The following CDK14 variants were observed in gnomAD, a reference collection of about 807,000 sequenced individuals.
The protein encoded by CDK14 is cyclin-dependent kinase 14.
CDK14 carries 34 observed loss-of-function variants against 60.7 expected under a neutral mutation model. The observed-to-expected ratio is 0.56, with a 90% CI of 0.43 to 0.75. CDK14 has a LOEUF of 0.75. CDK14 is among the 30% of genes least tolerant of loss of function. CDK14 has a pLI of 0.00. For synonymous variants in CDK14, 197 were observed against 203.7 expected (o/e 0.97, Z 0.28); for missense variants, 482 against 564.1 (o/e 0.85, Z 1.47).
At chr7:90,879,227 T>C (rs535712860) in intron 6 of CDK14, among the ~76,000 whole-genome samples, 77 of 152,340 alleles carry the variant, frequency 5.1e-4, no homozygotes, top group African/African-American at 1.7e-3. Flanking sequence ...CTCACATGCA[T>C]GTTATATATA....
intron 14 of CDK14, among the ~76,000 whole-genome samples, chr7:91,180,196 A>G (rs1482377025): frequency 6.6e-6 from 1 of 152,240 alleles, no homozygotes; most frequent in Non-Finnish European, 1.5e-5. Context: ...CACCTTGAGT[A>G]AGCATGATCA....
At position 90,869,665 on chromosome 7, in the gene CDK14, A is replaced by C. The variant is rs544597632; in HGVS notation, c.639+6396A>C. ...GAGGCTATTGCAATAAGATCTAAAC[A>C]TGAGATGATGTCTGCAGAAGAGGTG... On this transcript the variant is annotated intron_variant, in intron 6 of 14. Transcript: ENST00000380050. 3.3e-5 allele frequency among the ~76,000 whole-genome samples: 5 copies of C among 152,378 alleles called. No homozygotes were observed. In the South Asian group the frequency reaches 1.0e-3, roughly 32 times the overall value.
rs376486295 is a variant in CDK14, at chr7:91,004,086, G to A, written c.1041+19845G>A. Among the ~76,000 whole-genome samples the A allele has an allele frequency of 4.6e-5, 7 of 152,152 alleles. No homozygotes were observed. In the South Asian group the frequency reaches 6.2e-4, roughly 14 times the overall value. On this transcript the variant is annotated intron_variant, in intron 10 of 14. Transcript: ENST00000380050. Reference sequence around the variant, plus strand: ...AAGATTTAAAATGAATGATCTATGCGTTCATACTACAAAGTAGAAGTATAG... The same window carrying A: ...AAGATTTAAAATGAATGATCTATGCATTCATACTACAAAGTAGAAGTATAG...
At chr7:90,629,364 T>A (rs1049506899) in intron 2 of CDK14, among the ~76,000 whole-genome samples, 7 of 152,330 alleles carry the variant, frequency 4.6e-5, no homozygotes, top group African/African-American at 1.7e-4. Context: ...AATGTCACTT[T>A]CCCCACTGTG....
intron 10 of CDK14, among the ~76,000 whole-genome samples, chr7:91,044,533 A>C (rs531718557): frequency 6.6e-6 from 1 of 152,088 alleles, no homozygotes; most frequent in African/African-American, 2.4e-5. Context: ...TAAATTCCAG[A>C]AAGGAGGCAG....
chr7:90,689,789 G>A (rs1801516492), intron 2 of CDK14, among the ~76,000 whole-genome samples: 1 of 152,088 alleles, frequency 6.6e-6, no homozygotes, highest in Non-Finnish European at 1.5e-5. Flanking sequence ...AAAAATGTAT[G>A]GAACTTAAAT....
rs540301018 is a variant in CDK14, at chr7:90,654,880, C to A, written c.123+50631C>A. ...CATTAGGGTTCACTCTGTGTTGTGCCGTTCTCTGGGTTTTGACAAATGAAT... is the reference window on the plus strand; with the variant it reads ...CATTAGGGTTCACTCTGTGTTGTGCAGTTCTCTGGGTTTTGACAAATGAAT... On this transcript the variant is annotated intron_variant, in intron 2 of 14. Coordinates refer to ENST00000380050, the MANE Select transcript of CDK14 (RefSeq NM_001287135.2). 2.6e-5 allele frequency among the ~76,000 whole-genome samples: 4 copies of A among 152,172 alleles called. No individual in the cohort carries two copies. In the East Asian group the frequency reaches 5.8e-4, roughly 22 times the overall value.
intron 4 of CDK14, among the ~76,000 whole-genome samples, chr7:90,762,423 CCTA>C (rs894779900): frequency 1.3e-5 from 2 of 152,094 alleles, no homozygotes; most frequent in African/African-American, 2.4e-5. Context: ...CTCCTTTCCT[CCTA>C]CTGAATCAAG....
chr7:90,752,325 G>T (rs1402981786), intron 4 of CDK14, among the ~76,000 whole-genome samples: 1 of 151,410 alleles, frequency 6.6e-6, no homozygotes, highest in African/African-American at 2.4e-5. Context: ...CATACTCTTA[G>T]ACCACAGTGG....
chr7:90,862,257 C>A (rs558500088), intron 5 of CDK14, among the ~76,000 whole-genome samples: 39 of 152,148 alleles, frequency 2.6e-4, no homozygotes, highest in African/African-American at 9.2e-4. Context: ...TGGCAAAATG[C>A]ATTAAAAATA....
rs116107738 is a variant in CDK14, at chr7:91,194,799, C to A, written c.*29-12366C>A. Among the ~76,000 whole-genome samples the A allele has an allele frequency of 1.7e-3, 265 of 152,304 alleles. 2 individuals are homozygous for A. Among genetic ancestry groups the A allele is most frequent in the African/African-American group, 6.1e-3 (253 of 41,568 alleles). On this transcript the variant is annotated intron_variant, in intron 14 of 14. Coordinates refer to ENST00000380050, the MANE Select transcript of CDK14 (RefSeq NM_001287135.2). Reference sequence around the variant, plus strand: ...TATGTTGCATTCTTGATTTACTGCACTGTGTGGGAGATTCTGGTTTGGGGT... The same window carrying A: ...TATGTTGCATTCTTGATTTACTGCAATGTGTGGGAGATTCTGGTTTGGGGT...
chr7:90,681,129 G>GT (rs1424261839), intron 2 of CDK14, among the ~76,000 whole-genome samples: 3 of 152,082 alleles, frequency 2.0e-5, no homozygotes, highest in Non-Finnish European at 4.4e-5. Flanking sequence ...GCATATTTCT[G>GT]TTTTTTATGA....
intron 9 of CDK14, among the ~76,000 whole-genome samples, chr7:90,960,203 A>G (rs751033614): frequency 2.0e-5 from 3 of 152,096 alleles, no homozygotes; most frequent in Non-Finnish European, 2.9e-5. Flanking sequence ...TAGGGTGACT[A>G]AGTCACCTGC....
intron 2 of CDK14, among the ~76,000 whole-genome samples, chr7:90,608,304 T>C (rs953427487): frequency 8.5e-5 from 13 of 152,346 alleles, no homozygotes; most frequent in African/African-American, 3.1e-4. Flanking sequence ...ATATTAATGA[T>C]ACCTAATATA....
intron 14 of CDK14, among the ~76,000 whole-genome samples, chr7:91,127,070 C>T (rs1170240224): frequency 6.6e-6 from 1 of 152,104 alleles, no homozygotes; most frequent in African/African-American, 2.4e-5. Context: ...TAGCAAGTTA[C>T]AGGATGCGGG....
At chr7:91,200,019 C>T (rs550550631) in intron 14 of CDK14, among the ~76,000 whole-genome samples, 19 of 152,272 alleles carry the variant, frequency 1.2e-4, no homozygotes, top group South Asian at 8.3e-4. Flanking sequence ...CATACCATTT[C>T]CTCCAACTCC....
intron 5 of CDK14, among the ~76,000 whole-genome samples, chr7:90,858,490 G>T (rs1159715974): frequency 6.6e-6 from 1 of 152,154 alleles, no homozygotes; most frequent in East Asian, 1.9e-4. Context: ...GATCATCTCT[G>T]AATTTGACAA....
intron 11 of CDK14, among the ~76,000 whole-genome samples, chr7:91,072,222 C>G (rs1426906177): frequency 6.6e-6 from 1 of 152,138 alleles, no homozygotes; most frequent in Non-Finnish European, 1.5e-5. Context: ...GGGCGAGACC[C>G]TCTTAACGGG....
At chr7:90,722,233 C>T (rs939729454) in intron 2 of CDK14, among the ~76,000 whole-genome samples, 10 of 151,866 alleles carry the variant, frequency 6.6e-5, no homozygotes, top group African/African-American at 2.4e-4. Context: ...ACTATGTTGC[C>T]CAGGCTGGAG....
Sources: allele counts gnomAD v4.1 joint callset (sites outside exome capture counted in the v4.1 genomes callset), GRCh38; gene constraint gnomAD v4.1.1; transcripts MANE v1.5; gene names NCBI Gene and HGNC (gene_info 2026-07-23, HGNC 2026-07-21).